The following VPS41 variants were observed in gnomAD, a reference collection of about 807,000 sequenced individuals.
VPS41 encodes VPS41 subunit of HOPS complex.
Under a neutral mutation model 130.9 loss-of-function variants are expected in VPS41, and 85 were observed. The observed-to-expected ratio is 0.65, with a 90% CI of 0.55 to 0.78. The LOEUF (loss-of-function observed/expected upper bound fraction) is 0.78. VPS41 is among the 30% of genes least tolerant of loss of function. The probability of loss-of-function intolerance (pLI) is 0.00; values close to 1 mark genes in which losing one functional copy is unlikely to be tolerated. For missense variants in VPS41, 874 were observed against 1,018.7 expected, an observed-to-expected ratio of 0.86 and a Z score of 1.93; for synonymous variants, 335 against 332.9, an observed-to-expected ratio of 1.01 and a Z score of -0.07.
At chr7:38,897,020 C>G (rs1437445526) in intron 2 of VPS41, among the ~76,000 whole-genome samples, 1 of 151,570 alleles carries the variant, frequency 6.6e-6, no homozygotes, top group Non-Finnish European at 1.5e-5. Context: ...ATGGTGAAAC[C>G]CTGTCTCTAC....
At chr7:38,778,709 G>A (rs1784303820) in intron 10 of VPS41, among the ~76,000 whole-genome samples, 1 of 152,144 alleles carries the variant, frequency 6.6e-6, no homozygotes, top group South Asian at 2.1e-4. Context: ...AGGCTTTGCT[G>A]TGCTTGTCTG....
At chr7:38,897,445 A>C (rs1787028752) in intron 2 of VPS41, among the ~76,000 whole-genome samples, 2 of 151,854 alleles carry the variant, frequency 1.3e-5, no homozygotes, top group Non-Finnish European at 2.9e-5. Context: ...GGAGATCAAG[A>C]CCATCCTGGC....
chr7:38,797,119 A>T, intron 7 of VPS41: 1 of 321,480 alleles, frequency 3.1e-6, no homozygotes, highest in South Asian at 8.3e-5. Flanking sequence ...TGGCACCAAA[A>T]CACCAAGATT....
rs1784208542 is a variant in VPS41 at position 38,774,168 on chromosome 7, T to A, written c.959A>T (p.Asp320Val). The A allele has an allele frequency of 6.2e-7, 1 of 1,609,326 alleles. No homozygotes were observed. Among genetic ancestry groups the A allele is most frequent in the South Asian group, 1.1e-5 (1 of 90,508 alleles). ...LSETCEEISS[D>V]ALTVRGFQEN... is the part of the protein sequence containing the mutation. ...CTGAAAGCCTCTGACTGTCAAAGCA[T>A]CAGAAGAGATCTCTTCACAAGTCTC... Residue 320 changes from aspartate (D) to valine (V), a missense_variant, in exon 12 of 29, where the codon GAT becomes GTT. By Grantham distance (152) the Asp-to-Val change is radical (BLOSUM62 -3). Transcript: ENST00000310301.
chr7:38,873,603 C>T (rs1026164441), intron 2 of VPS41, among the ~76,000 whole-genome samples: 2 of 152,118 alleles, frequency 1.3e-5, no homozygotes, highest in African/African-American at 4.8e-5. Context: ...CAGTTAACTG[C>T]GTTTCTATGA....
intron 22 of VPS41, among the ~76,000 whole-genome samples, chr7:38,749,983 T>G (rs1796061259): frequency 6.6e-6 from 1 of 151,258 alleles, no homozygotes; most frequent in Non-Finnish European, 1.5e-5. Flanking sequence ...CTCCCTCAGC[T>G]TCCTGAGTAG....
chr7:38,852,458 G>C (rs1785879727), intron 4 of VPS41, among the ~76,000 whole-genome samples: 1 of 152,122 alleles, frequency 6.6e-6, no homozygotes, highest in Non-Finnish European at 1.5e-5. Context: ...AATCTCCTTG[G>C]TTGTGGTCAT....
chr7:38,809,059 T>C lies in VPS41; in HGVS notation c.450+8758A>G, dbSNP rs192740972. 1.9e-3 allele frequency among the ~76,000 whole-genome samples: 294 copies of C among 152,324 alleles called. 4 individuals are homozygous for C. Among genetic ancestry groups the C allele is most frequent in the Non-Finnish European group, 1.8e-3 (121 of 68,026 alleles). ...TTAAAATTTACCAATGGATTTTAAGTATTCTCATCCCCAAAGAAATGGTAA... is the reference window on the plus strand; with the variant it reads ...TTAAAATTTACCAATGGATTTTAAGCATTCTCATCCCCAAAGAAATGGTAA... On this transcript the variant is annotated intron_variant, in intron 7 of 28. Coordinates refer to ENST00000310301, the MANE Select transcript of VPS41 (RefSeq NM_014396.4).
chr7:38,751,619 C>T (rs1477821382), intron 22 of VPS41, among the ~76,000 whole-genome samples: 2 of 152,142 alleles, frequency 1.3e-5, no homozygotes, highest in Non-Finnish European at 2.9e-5. Context: ...ATGAGTAAGA[C>T]AAATTCCTTG....
At chr7:38,809,905 G>A (rs1002908702) in intron 7 of VPS41, among the ~76,000 whole-genome samples, 1 of 151,558 alleles carries the variant, frequency 6.6e-6, no homozygotes, top group African/African-American at 2.4e-5. Context: ...CCTGCTGACA[G>A]GGAAAGCTGG....
chr7:38,868,679 C>T (rs552001368), intron 3 of VPS41, among the ~76,000 whole-genome samples: 8 of 152,228 alleles, frequency 5.3e-5, no homozygotes, highest in African/African-American at 1.7e-4. Flanking sequence ...TTCATTCATT[C>T]GTATAAGTAA....
Position 38,767,560 on chromosome 7 carries a change from T to C in VPS41, c.1224A>G (p.Arg408=), listed in dbSNP as rs1167636073. ...ACCGTGCTGCTATGTCATAGTCTCC[T>C]CTCTCCACCAGGTGATTTATATATG... ...GLAYINHLVE[R]GDYDIAARKC... is the part of the protein sequence containing the mutation. Residue 408 remains arginine, a synonymous_variant, in exon 15 of 29, where the codon AGA becomes AGG. Coordinates refer to ENST00000310301, the MANE Select transcript of VPS41 (RefSeq NM_014396.4). 6.2e-7 allele frequency: 1 copy of C among 1,610,002 alleles called. No homozygotes were observed. The highest frequency in any genetic ancestry group is 1.7e-5 in the Admixed American group (1 of 59,776).
intron 4 of VPS41, among the ~76,000 whole-genome samples, chr7:38,837,218 C>T (rs1283195194): frequency 6.6e-6 from 1 of 151,936 alleles, no homozygotes; most frequent in Non-Finnish European, 1.5e-5. Context: ...CCTGCCATAC[C>T]CAATCGTATT....
intron 4 of VPS41, among the ~76,000 whole-genome samples, chr7:38,846,963 C>A (rs1562608129): frequency 1.3e-5 from 2 of 151,928 alleles, no homozygotes; most frequent in African/African-American, 4.8e-5. Flanking sequence ...TGCAACTAGG[C>A]AAAGTATGAC....
At chr7:38,907,593 T>G (rs17619021) in intron 1 of VPS41, among the ~76,000 whole-genome samples, 39,158 of 152,198 alleles carry the variant, frequency 0.26, 6,447 homozygotes, top group Non-Finnish European at 0.38. Flanking sequence ...TAGAAAATAA[T>G]GTACAAATGT....
At chr7:38,814,377 C>T (rs752135486) in intron 7 of VPS41, among the ~76,000 whole-genome samples, 1 of 152,170 alleles carries the variant, frequency 6.6e-6, no homozygotes, top group Non-Finnish European at 1.5e-5. Context: ...ACAGGCCGGG[C>T]GTGGTGGCTC....
intron 2 of VPS41, among the ~76,000 whole-genome samples, chr7:38,883,796 A>G (rs922390516): frequency 6.6e-6 from 1 of 152,234 alleles, no homozygotes; most frequent in African/African-American, 2.4e-5. Context: ...GGCGTAATAG[A>G]GATTCAAAAA....
intron 1 of VPS41, among the ~76,000 whole-genome samples, chr7:38,904,787 C>T (rs1361670487): frequency 6.6e-6 from 1 of 152,094 alleles, no homozygotes; most frequent in Non-Finnish European, 1.5e-5. Flanking sequence ...AAGTGATCTA[C>T]AATAAGGACA....
At chr7:38,889,157 A>T (rs1052380234) in intron 2 of VPS41, among the ~76,000 whole-genome samples, 6 of 151,370 alleles carry the variant, frequency 4.0e-5, no homozygotes, top group African/African-American at 1.5e-4. Flanking sequence ...AAATAATAAA[A>T]GGGCCAACAT....
Sources: gnomAD v4.1 joint callset for allele counts (sites outside exome capture counted in the v4.1 genomes callset) on GRCh38, gnomAD v4.1.1 for gene constraint, MANE v1.5 for transcripts, NCBI Gene and HGNC (gene_info 2026-07-23, HGNC 2026-07-21) for gene names.